Variants in SCCPDH observed in about 807,000 individuals in gnomAD.
The protein encoded by SCCPDH is saccharopine dehydrogenase-like oxidoreductase.
Under a neutral mutation model 51.5 loss-of-function variants are expected in SCCPDH, and 34 were observed. The observed-to-expected ratio is 0.66, with a 90% CI of 0.50 to 0.88. The LOEUF is 0.88. Among genes scored for constraint, SCCPDH ranks in the 40% least tolerant of loss-of-function variants. SCCPDH has a pLI of 0.00. For missense variants in SCCPDH, 464 were observed against 527.1 expected (o/e 0.88, Z 1.17); for synonymous variants, 187 against 191.3 (o/e 0.98, Z 0.19).
intron 9 of SCCPDH, among the ~76,000 whole-genome samples, chr1:246,763,934 C>T (rs140559794): frequency 4.6e-4 from 70 of 152,178 alleles, no homozygotes; most frequent in African/African-American, 1.6e-3. Context: ...TTTGTCTTGT[C>T]GCCTCAAATA....
chr1:246,764,951 A>G (rs1448973153), intron 10 of SCCPDH, among the ~76,000 whole-genome samples: 2 of 150,792 alleles, frequency 1.3e-5, no homozygotes, highest in Non-Finnish European at 3.0e-5. Flanking sequence ...TGTCAGAGAC[A>G]GACAGGTCCA....
chr1:246,730,097 C>G (rs767371257), intron 2 of SCCPDH, among the ~76,000 whole-genome samples: 1 of 152,110 alleles, frequency 6.6e-6, no homozygotes, highest in Non-Finnish European at 1.5e-5. Flanking sequence ...TTTGTGCCCC[C>G]TTTTTAGCAG....
chr1:246,759,042 T>C lies in SCCPDH; in HGVS notation c.704T>C (p.Ile235Thr). 6.3e-7 allele frequency: 1 copy of C among 1,595,352 alleles called. No individual in the cohort carries two copies. Among genetic ancestry groups the C allele is most frequent in the Non-Finnish European group, 8.6e-7 (1 of 1,162,938 alleles). Residue 235 changes from isoleucine (I) to threonine (T), a missense_variant, in exon 7 of 12, where the codon ATT becomes ACT. By Grantham distance (89) the Ile-to-Thr change is moderately conservative. Coordinates refer to ENST00000366510, the MANE Select transcript of SCCPDH (RefSeq NM_016002.3). ...ATAGGTCTGTCTTGCAGGTGGCCAA[T>C]TTCTTATTGTCGGGAACTCAAAGGT... ...IGPKLKRRWP[I>T]SYCRELKGYS...
At chr1:246,743,998 G>T (rs138814160) in intron 4 of SCCPDH, 78 bp from the exon 5 acceptor site, 12 of 799,382 alleles carry the variant, frequency 1.5e-5, no homozygotes, top group Admixed American at 8.9e-5. Context: ...AAGTGAATAC[G>T]CATTGTTTAT....
At chr1:246,727,755 C>T (rs909508463) in intron 2 of SCCPDH, among the ~76,000 whole-genome samples, 1 of 152,076 alleles carries the variant, frequency 6.6e-6, no homozygotes, top group African/African-American at 2.4e-5. Flanking sequence ...TCCTGAGATG[C>T]CAGTGTGCTT....
At chr1:246,747,143 CTT>C (rs1558170875) in intron 5 of SCCPDH, among the ~76,000 whole-genome samples, 1 of 152,128 alleles carries the variant, frequency 6.6e-6, no homozygotes, top group Non-Finnish European at 1.5e-5. Flanking sequence ...TTTTTCCCCT[CTT>C]GTTTCTCCCT....
rs550659854 is a variant in SCCPDH at position 246,759,811 on chromosome 1, A to G, written c.814-146A>G. The G allele has an allele frequency of 1.7e-4, 144 of 844,260 alleles. No homozygotes were observed. Among genetic ancestry groups the G allele is most frequent in the Non-Finnish European group, 2.5e-4 (141 of 564,350 alleles). The allele number at this position is 844,260 out of a possible 1,614,324, so 52.3% of individuals were successfully genotyped here. On this transcript the variant is annotated intron_variant, in intron 7 of 11. Transcript: ENST00000366510. ...GCTCCCAATGTCTGGTTTCTGAACA[A>G]GATTTCAGAACATAATGCATTTGTA...
In SCCPDH at chr1:246,729,660, T is replaced by C. The variant is rs537478223; in HGVS notation, c.303+2656T>C. ...ACAGTTTGTACGGATAACTCAATCA[T>C]CACAGGGTCCTGAGGCAACATACAT... On this transcript the variant is annotated intron_variant, in intron 2 of 11. Transcript: ENST00000366510. 5.9e-5 allele frequency among the ~76,000 whole-genome samples: 9 copies of C among 152,308 alleles called. No individual in the cohort carries two copies. The East Asian group carries it at 7.7e-4, about 13-fold the overall frequency.
rs1668358963 is a variant in SCCPDH, at chr1:246,724,596, G to A, written c.174G>A (p.Lys58=). The change falls in exon 1 of 12, where the codon AAG becomes AAA. Residue 58 remains lysine, a synonymous_variant. Transcript: ENST00000366510. ...AGAAGCTGCAGCGGGTGCTGGAGAA[G>A]GCGGCCCTGAAGCTGGGTACAGCGG... ...SREKLQRVLE[K]AALKLGRPTL... is the part of the protein sequence containing the mutation. 6.6e-7 allele frequency: 1 copy of A among 1,505,296 alleles called. No homozygotes were observed. The allele number at this position is 1,505,296 out of a possible 1,614,324, so 93.2% of individuals were successfully genotyped here. A position where few individuals can be genotyped will look rare whatever the true frequency, so the allele number is the denominator to read the frequency against.
At chr1:246,734,178 C>T (rs576899501) in intron 2 of SCCPDH, among the ~76,000 whole-genome samples, 2 of 152,124 alleles carry the variant, frequency 1.3e-5, no homozygotes, top group Non-Finnish European at 2.9e-5. Context: ...TCATGGCCAA[C>T]TTGAGAAATT....
chr1:246,753,563 A>G (rs1017755639), intron 5 of SCCPDH, among the ~76,000 whole-genome samples: 14 of 151,858 alleles, frequency 9.2e-5, no homozygotes, highest in African/African-American at 2.2e-4. Context: ...TTTATTATCA[A>G]TTCCCTAAGG....
rs1669099522 is a variant in SCCPDH at position 246,767,294 on chromosome 1, A to C, written c.1284A>C (p.Glu428Asp). Residue 428 changes from glutamate (E) to aspartate (D), a missense_variant, in exon 12 of 12, where the codon GAA (glutamate) becomes GAC (aspartate). By Grantham distance (45) the Glu-to-Asp change is conservative. Coordinates refer to ENST00000366510, the MANE Select transcript of SCCPDH (RefSeq NM_016002.3). ...GIEFSVISSS[E>D]V ...AGTTTAGTGTTATTAGCAGCTCTGA[A>C]GTCTAAACACTGGAAGAATTAACTG... The C allele has an allele frequency of 6.3e-7, 1 of 1,579,078 alleles. No individual in the cohort carries two copies. The highest frequency in any genetic ancestry group is 8.6e-7 in the Non-Finnish European group (1 of 1,157,710).
intron 5 of SCCPDH, among the ~76,000 whole-genome samples, chr1:246,749,466 A>G (rs1479593435): frequency 6.6e-6 from 1 of 152,152 alleles, no homozygotes; most frequent in Non-Finnish European, 1.5e-5. Flanking sequence ...AGTACATTTC[A>G]AAGGATCCTA....
At chr1:246,747,544 A>G (rs553169058) in intron 5 of SCCPDH, among the ~76,000 whole-genome samples, 122 of 152,364 alleles carry the variant, frequency 8.0e-4, no homozygotes, top group Non-Finnish European at 1.5e-3. Flanking sequence ...GCGCTGAAAC[A>G]TAAAATTTCT....
chr1:246,729,799 GA>G (rs1032808756), intron 2 of SCCPDH, among the ~76,000 whole-genome samples: 1 of 151,624 alleles, frequency 6.6e-6, no homozygotes, highest in Non-Finnish European at 1.5e-5. Flanking sequence ...TTTATGTCCA[GA>G]GATTGCAGTA....
chr1:246,724,797 A>G (rs181829461), intron 1 of SCCPDH, among the ~76,000 whole-genome samples, 185 bp downstream of exon 1: 1 of 152,120 alleles, frequency 6.6e-6, no homozygotes, highest in East Asian at 1.9e-4. Flanking sequence ...CCTTAACTAT[A>G]TGTGTGTGTG....
At chr1:246,750,209 C>T (rs919836264) in intron 5 of SCCPDH, among the ~76,000 whole-genome samples, 2 of 152,114 alleles carry the variant, frequency 1.3e-5, no homozygotes, top group African/African-American at 4.8e-5. Context: ...GGACACGGTC[C>T]TCATGCTAAT....
At chr1:246,749,068 C>T (rs1668812916) in intron 5 of SCCPDH, among the ~76,000 whole-genome samples, 2 of 152,188 alleles carry the variant, frequency 1.3e-5, no homozygotes, top group African/African-American at 4.8e-5. Flanking sequence ...GGCTGACCCA[C>T]AAGGCTCTTG....
chr1:246,758,398 G>T (rs1356305696), intron 6 of SCCPDH, 42 bp downstream of exon 6: 1 of 1,453,496 alleles, frequency 6.9e-7, no homozygotes, highest in Non-Finnish European at 9.3e-7. Flanking sequence ...TCTAGTCTAA[G>T]TATATTGTTG....
Sources: gnomAD v4.1 joint callset for allele counts (sites outside exome capture counted in the v4.1 genomes callset) on GRCh38, gnomAD v4.1.1 for gene constraint, MANE v1.5 for transcripts, NCBI Gene and HGNC (gene_info 2026-07-23, HGNC 2026-07-21) for gene names.